RAPGEF6: variants seen among roughly 807,000 people sequenced by gnomAD.
RAPGEF6 encodes the protein PDZ domain containing guanine nucleotide exchange factor (GEF) 2.
A neutral mutation model predicts 171.4 loss-of-function variants in RAPGEF6; 56 were observed. The observed-to-expected ratio is 0.33, with a 90% CI of 0.26 to 0.41. The LOEUF is 0.41. RAPGEF6 is among the 10% of genes least tolerant of loss of function. RAPGEF6 has a pLI of 1.00. For synonymous variants in RAPGEF6, 692 were observed against 650.1 expected, an observed-to-expected ratio of 1.06 and a Z score of -0.98; for missense variants, 1,674 against 1,921.4, an observed-to-expected ratio of 0.87 and a Z score of 2.41.
At chr5:131,448,492 T>C (rs1025994893) in intron 21 of RAPGEF6, among the ~76,000 whole-genome samples, 2 of 152,172 alleles carry the variant, frequency 1.3e-5, no homozygotes, top group Non-Finnish European at 1.5e-5. Context: ...TGTCCAACAA[T>C]TGACGTTGTC....
At chr5:131,523,756 C>T (rs1405866906) in intron 6 of RAPGEF6, among the ~76,000 whole-genome samples, 1 of 151,764 alleles carries the variant, frequency 6.6e-6, no homozygotes, top group Non-Finnish European at 1.5e-5. Flanking sequence ...TCTAAAGTCA[C>T]AGATCAAGGA....
chr5:131,495,613 A>G lies in RAPGEF6; in HGVS notation c.1467T>C (p.Phe489=), dbSNP rs369200741. The G allele has an allele frequency of 1.9e-6, 3 of 1,613,750 alleles. No homozygotes were observed. Among genetic ancestry groups the G allele is most frequent in the Non-Finnish European group, 2.5e-6 (3 of 1,179,856 alleles). ...LLWVNNHFND[F]EGDPAMTRFL... ...ATCGAGTCATAGCAGGGTCACCTTC[A>G]AAATCATTAAAATGATTATTTACCC... is the stretch of plus-strand genomic sequence containing the variant. Residue 489 remains phenylalanine (F), a synonymous_variant, in exon 13 of 28, where the codon TTT becomes TTC. Transcript: ENST00000509018.
intron 21 of RAPGEF6, among the ~76,000 whole-genome samples, chr5:131,447,968 A>G (rs1466488985): frequency 1.3e-5 from 2 of 152,238 alleles, no homozygotes; most frequent in Non-Finnish European, 2.9e-5. Flanking sequence ...TTAGTGAATT[A>G]GTCTTTTAAC....
intron 24 of RAPGEF6, among the ~76,000 whole-genome samples, chr5:131,438,505 C>T (rs1238326093): frequency 2.0e-5 from 3 of 152,202 alleles, no homozygotes; most frequent in African/African-American, 7.2e-5. Context: ...TTCCCTCTGA[C>T]CATGTACCAT....
At chr5:131,479,810 C>G in intron 15 of RAPGEF6, 57 bp from the exon 16 acceptor site, 5 of 1,550,210 alleles carry the variant, frequency 3.2e-6, no homozygotes, top group Non-Finnish European at 4.4e-6. Flanking sequence ...AATTTTTATA[C>G]CAACAACAAA....
chr5:131,530,982 T>A (rs906384990), intron 6 of RAPGEF6, among the ~76,000 whole-genome samples: 16 of 152,228 alleles, frequency 1.1e-4, no homozygotes, highest in Non-Finnish European at 2.9e-5. Flanking sequence ...CATTTAAGCC[T>A]TAGCCAGATA....
chr5:131,611,237 G>C (rs1165634096), intron 1 of RAPGEF6, among the ~76,000 whole-genome samples: 1 of 152,182 alleles, frequency 6.6e-6, no homozygotes, highest in African/African-American at 2.4e-5. Flanking sequence ...TAAATTCCTT[G>C]CATGTCTAAT....
At chr5:131,569,576 G>C (rs1362307936) in intron 4 of RAPGEF6, among the ~76,000 whole-genome samples, 3 of 152,028 alleles carry the variant, frequency 2.0e-5, no homozygotes, top group Non-Finnish European at 4.4e-5. Flanking sequence ...ATGGATCACA[G>C]ACCAAAATGT....
intron 17 of RAPGEF6, among the ~76,000 whole-genome samples, chr5:131,469,066 C>G (rs1377710602): frequency 6.6e-6 from 1 of 152,106 alleles, no homozygotes; most frequent in African/African-American, 2.4e-5. Flanking sequence ...CTAATGGGGA[C>G]TGCTTAAAAA....
chr5:131,573,415 C>T (rs187964308), intron 4 of RAPGEF6, among the ~76,000 whole-genome samples: 1 of 152,196 alleles, frequency 6.6e-6, no homozygotes, highest in Non-Finnish European at 1.5e-5. Context: ...TAAACATATA[C>T]AGGAATTCCA....
intron 6 of RAPGEF6, among the ~76,000 whole-genome samples, chr5:131,546,715 A>C (rs1044925342): frequency 1.3e-5 from 2 of 152,248 alleles, no homozygotes; most frequent in Non-Finnish European, 2.9e-5. Context: ...TGCAGTCATT[A>C]GGAATAATGG....
chr5:131,528,702 T>C (rs1450694903), intron 6 of RAPGEF6, among the ~76,000 whole-genome samples: 1 of 151,688 alleles, frequency 6.6e-6, no homozygotes, highest in Non-Finnish European at 1.5e-5. Flanking sequence ...TAGGAGAAAA[T>C]CAGTATAAGA....
At chr5:131,497,567 A>G (rs1756717369) in intron 12 of RAPGEF6, among the ~76,000 whole-genome samples, 2 of 152,200 alleles carry the variant, frequency 1.3e-5, no homozygotes, top group African/African-American at 4.8e-5. Flanking sequence ...ATTCTTTTGC[A>G]TATGGATAAT....
rs1752724025 is a variant in RAPGEF6, at chr5:131,446,679, A to G, written c.3225T>C (p.Asn1075=). The G allele has an allele frequency of 6.2e-7, 1 of 1,614,032 alleles. No homozygotes were observed. Among genetic ancestry groups the G allele is most frequent in the Non-Finnish European group, 8.5e-7 (1 of 1,179,980 alleles). The change falls in exon 22 of 28, where the codon AAT becomes AAC. Residue 1075 remains asparagine, a synonymous_variant. Coordinates refer to ENST00000509018, the MANE Select transcript of RAPGEF6 (RefSeq NM_016340.6). ...CTCCCTGAACATCCAGCATGTTTGA[A>G]TTTGTGCTTCCTTGACTCAGTGACC... ...RQRSLSQGST[N]SNMLDVQGGA... is the part of the protein sequence containing the mutation.
intron 1 of RAPGEF6, among the ~76,000 whole-genome samples, chr5:131,608,627 G>C (rs1437799070): frequency 6.6e-6 from 1 of 152,198 alleles, no homozygotes; most frequent in African/African-American, 2.4e-5. Context: ...AGTGTTAGCA[G>C]GTAGGACCTA....
chr5:131,589,207 T>C (rs1416119423), intron 4 of RAPGEF6, among the ~76,000 whole-genome samples: 2 of 152,120 alleles, frequency 1.3e-5, no homozygotes, highest in African/African-American at 4.8e-5. Context: ...AGGCAAGAAA[T>C]ACTGAATGGG....
At chr5:131,532,415 G>A (rs536756703) in intron 6 of RAPGEF6, among the ~76,000 whole-genome samples, 3 of 152,180 alleles carry the variant, frequency 2.0e-5, no homozygotes, top group East Asian at 3.9e-4. Flanking sequence ...ATATACATGC[G>A]GCCTCAGGCA....
intron 4 of RAPGEF6, among the ~76,000 whole-genome samples, chr5:131,562,784 T>C (rs914266456): frequency 1.3e-5 from 2 of 152,192 alleles, no homozygotes; most frequent in Non-Finnish European, 2.9e-5. Context: ...TCCATTTTTT[T>C]TTCCAGGATC....
At chr5:131,614,435 G>A (rs1204218825) in intron 1 of RAPGEF6, among the ~76,000 whole-genome samples, 1 of 152,132 alleles carries the variant, frequency 6.6e-6, no homozygotes, top group Non-Finnish European at 1.5e-5. Context: ...CATGGTGGAA[G>A]GTGAAAGGGA....
Sources: gnomAD v4.1 joint callset for allele counts (sites outside exome capture counted in the v4.1 genomes callset) on GRCh38, gnomAD v4.1.1 for gene constraint, MANE v1.5 for transcripts, NCBI Gene and HGNC (gene_info 2026-07-23, HGNC 2026-07-21) for gene names.